INCENP: variants seen among roughly 807,000 people sequenced by gnomAD.
INCENP encodes the protein binds and activates aurora-B and -C in vivo and in vitro.
In INCENP, 43 loss-of-function variants were observed where a neutral mutation model predicts 107.3. The observed-to-expected ratio is 0.40, with a 90% CI of 0.31 to 0.52. INCENP has a LOEUF of 0.52. Among genes scored for constraint, INCENP ranks in the 20% least tolerant of loss-of-function variants. The pLI is 0.53. For missense variants in INCENP, 1,089 were observed against 1,250.9 expected, an observed-to-expected ratio of 0.87 and a Z score of 1.95; for synonymous variants, 488 against 494.4, an observed-to-expected ratio of 0.99 and a Z score of 0.17.
At chr11:62,132,308 A>G (rs1400748608) in intron 4 of INCENP, among the ~76,000 whole-genome samples, 1 of 152,210 alleles carries the variant, frequency 6.6e-6, no homozygotes, top group Non-Finnish European at 1.5e-5. Flanking sequence ...TCTGTCCAGA[A>G]AGTCAGGTGC....
intron 11 of INCENP, among the ~76,000 whole-genome samples, chr11:62,141,909 G>A (rs924631576): frequency 6.6e-6 from 1 of 152,236 alleles, no homozygotes; most frequent in African/African-American, 2.4e-5. Flanking sequence ...TTGGTTCACA[G>A]ACCTGAGCAG....
chr11:62,148,599 C>A, intron 16 of INCENP, 45 bp downstream of exon 16: 1 of 1,564,854 alleles, frequency 6.4e-7, no homozygotes, highest in Non-Finnish European at 8.7e-7. Context: ...CTGCCCTGAG[C>A]TGTGGGCGGG....
At chr11:62,135,530 C>G (rs1250519323) in intron 4 of INCENP, among the ~76,000 whole-genome samples, 1 of 152,164 alleles carries the variant, frequency 6.6e-6, no homozygotes, top group East Asian at 1.9e-4. Context: ...TCCCAAAGTG[C>G]TGGGATTACA....
chr11:62,141,745 C>A, intron 11 of INCENP: 1 of 613,934 alleles, frequency 1.6e-6, no homozygotes, highest in Non-Finnish European at 2.9e-6. Flanking sequence ...TAGGAGGAAG[C>A]AAGGGGGTGT....
intron 17 of INCENP, 70 bp from the exon 18 acceptor site, chr11:62,149,987 C>A: frequency 6.8e-7 from 1 of 1,465,384 alleles, no homozygotes; most frequent in Non-Finnish European, 9.5e-7. Context: ...TGAGCAGTGC[C>A]CCAGCACTCC....
Position 62,129,731 on chromosome 11 carries a change from G to A in INCENP, c.255-51G>A, listed in dbSNP as rs1452348864. ...CTGGTGGCTCTTGGAGAGACTGGGT[G>A]CCACCCTGTCCTGCTGCCCGTCTCA... On this transcript the variant is annotated intron_variant, in intron 3 of 18. Transcript: ENST00000394818. 2.7e-6 allele frequency: 4 copies of A among 1,462,630 alleles called. No individual in the cohort carries two copies. In the South Asian group the frequency reaches 3.7e-5, roughly 13 times the overall value. The allele number at this position is 1,462,630 out of a possible 1,614,324, so 90.6% of individuals were successfully genotyped here.
At chr11:62,136,019 G>T (rs933931749) in intron 4 of INCENP, among the ~76,000 whole-genome samples, 1 of 151,512 alleles carries the variant, frequency 6.6e-6, no homozygotes, top group East Asian at 2.0e-4. Context: ...CCGTGGTCTC[G>T]ATCTCCTGAC....
In INCENP at chr11:62,140,924, C is replaced by A. The variant is rs1341790158; in HGVS notation, c.1473C>A (p.Pro491=). 1.2e-6 allele frequency: 2 copies of A among 1,614,210 alleles called. No homozygotes were observed. The highest frequency in any genetic ancestry group is 1.7e-6 in the Non-Finnish European group (2 of 1,180,038). The change falls in exon 10 of 19, where the codon CCC becomes CCA. Residue 491 remains proline, a synonymous_variant. Transcript: ENST00000394818. The part of the protein sequence containing the change: ...SPCPASKVVR[P]LRTFLHTVQR... The stretch of plus-strand genomic sequence containing the variant: ...GTCCTCGTCTGCAGGTGGTACGGCC[C>A]CTCCGGACCTTTCTGCACACAGTGC...
intron 11 of INCENP, 114 bp downstream of exon 11, chr11:62,141,625 G>A (rs1944125368): frequency 7.2e-7 from 1 of 1,393,970 alleles, no homozygotes; most frequent in African/African-American, 1.4e-5. Flanking sequence ...GTAAGCGGGA[G>A]GGGAGCCTTA....
At position 62,144,986 on chromosome 11, in the gene INCENP, A is replaced by T; in HGVS notation, c.1610A>T (p.Lys537Met). 1 of 1,594,804 alleles carries T rather than the reference A, an allele frequency of 6.3e-7. No homozygotes were observed. The highest frequency in any genetic ancestry group is 8.5e-7 in the Non-Finnish European group (1 of 1,172,564). The change falls in exon 12 of 19, where the codon AAG (lysine) becomes ATG (methionine). Residue 537 changes from lysine (K) to methionine (M), a missense_variant. By Grantham distance (95) the Lys-to-Met change is moderately conservative. Transcript: ENST00000394818. ...RMDPKCSFVE[K>M]ERQRLENLRR... is the part of the protein sequence containing the mutation. ...CCTCGCTCCCCGCCACCCCAGGAGA[A>T]GGAGCGGCAGCGCCTGGAGAATCTG...
intron 4 of INCENP, among the ~76,000 whole-genome samples, chr11:62,135,530 C>T (rs1250519323): frequency 6.6e-6 from 1 of 152,164 alleles, no homozygotes; most frequent in African/African-American, 2.4e-5. Context: ...TCCCAAAGTG[C>T]TGGGATTACA....
intron 11 of INCENP, among the ~76,000 whole-genome samples, chr11:62,144,086 C>CT (rs1191537608): frequency 1.3e-5 from 2 of 152,216 alleles, no homozygotes; most frequent in African/African-American, 4.8e-5. Context: ...AATCCTAGCA[C>CT]TTTGGAAGGC....
rs1944408884 is a variant in INCENP, at chr11:62,153,039, C to T, written c.*1063C>T. ...TCCATTGTTGTCTCCAGTTGCTCTG[C>T]TCCGAGGGCAGTGTTAAGTTGTGCA... On this transcript the variant is annotated 3_prime_UTR_variant, in exon 19 of 19. Transcript: ENST00000394818. 6.6e-6 allele frequency: 1 copy of T among 152,256 alleles called. No individual in the cohort carries two copies. Among genetic ancestry groups the T allele is most frequent in the African/African-American group, 2.4e-5 (1 of 41,460 alleles). The allele number at this position is 152,256 out of a possible 1,614,324, so 9.4% of individuals were successfully genotyped here.
chr11:62,133,003 T>C (rs1943920723), intron 4 of INCENP, among the ~76,000 whole-genome samples: 1 of 152,102 alleles, frequency 6.6e-6, no homozygotes, highest in Non-Finnish European at 1.5e-5. Context: ...TTGAGAAAAC[T>C]CACCAATGGC....
At position 62,128,896 on chromosome 11, in the gene INCENP, G is replaced by A. The variant is rs1434702033; in HGVS notation, c.254+13G>A. ...CCATCAGGAGAAGGTAGGAGGGGTTGGGGGAGAGTGAGCTGAGCAGTGGGC... is the reference window on the plus strand; with the variant it reads ...CCATCAGGAGAAGGTAGGAGGGGTTAGGGGAGAGTGAGCTGAGCAGTGGGC... On this transcript the variant is annotated intron_variant, in intron 3 of 18. Transcript: ENST00000394818. 3 of 1,546,294 alleles carry A rather than the reference G, an allele frequency of 1.9e-6. No individual in the cohort carries two copies. Among genetic ancestry groups the A allele is most frequent in the African/African-American group, 1.4e-5 (1 of 73,512 alleles).
In INCENP at chr11:62,145,158, ATG is replaced by A. The variant is rs775679831; in HGVS notation, c.1716-10_1716-9del. ...TGGTGGGGCTCCCCATGACTATCCT[ATG>A]CCCCGCAGGAAGCGTGAGGAACGCC... On this transcript the variant is annotated splice_polypyrimidine_tract_variant and intron_variant, in intron 12 of 18. Transcript: ENST00000394818. The A allele has an allele frequency of 6.2e-7, 1 of 1,614,122 alleles. No individual in the cohort carries two copies. Among genetic ancestry groups the A allele is most frequent in the Non-Finnish European group, 8.5e-7 (1 of 1,180,024 alleles).
At chr11:62,147,531 G>A (rs1944278025) in intron 15 of INCENP, among the ~76,000 whole-genome samples, 1 of 152,204 alleles carries the variant, frequency 6.6e-6, no homozygotes, top group South Asian at 2.1e-4. Context: ...CACACTCACT[G>A]TTGGTCAGGA....
chr11:62,137,795 CTGA>C, intron 4 of INCENP, 34 bp from the exon 5 acceptor site: 1 of 1,607,118 alleles, frequency 6.2e-7, no homozygotes, highest in South Asian at 1.1e-5. Context: ...TGTGTGGTCT[CTGA>C]TGAGATCTTT....
intron 18 of INCENP, 119 bp downstream of exon 18, chr11:62,150,326 G>A: frequency 9.7e-7 from 1 of 1,031,008 alleles, no homozygotes; most frequent in South Asian, 1.5e-5. Flanking sequence ...GCTTCAGTTG[G>A]CAGTTCGAGG....
Sources: gnomAD v4.1 joint callset for allele counts (sites outside exome capture counted in the v4.1 genomes callset) on GRCh38, gnomAD v4.1.1 for gene constraint, MANE v1.5 for transcripts, NCBI Gene and HGNC (gene_info 2026-07-23, HGNC 2026-07-21) for gene names.